The following ANK1 variants were observed in gnomAD, a reference collection of about 807,000 sequenced individuals.
ANK1 encodes the protein ankyrin-1.
A neutral mutation model predicts 210.4 loss-of-function variants in ANK1; 51 were observed. That is an observed-to-expected ratio of 0.24 (90% CI 0.19 to 0.31). The LOEUF (loss-of-function observed/expected upper bound fraction) is 0.31, where lower values mean the gene tolerates loss of function less well. Among genes scored for constraint, ANK1 ranks in the 10% least tolerant of loss-of-function variants. The pLI is 1.00. For missense variants in ANK1, 2,051 were observed against 2,504.4 expected (o/e 0.82, Z 3.86); for synonymous variants, 967 against 1,025.9 (o/e 0.94, Z 1.10).
chr8:41,736,465 A>C (rs940243042), intron 2 of ANK1, among the ~76,000 whole-genome samples: 2 of 152,244 alleles, frequency 1.3e-5, no homozygotes, highest in Non-Finnish European at 2.9e-5. Context: ...TAGTGCTGAC[A>C]GCGGATGCCC....
chr8:41,850,283 C>T (rs1414908409), intron 1 of ANK1, among the ~76,000 whole-genome samples: 1 of 151,948 alleles, frequency 6.6e-6, no homozygotes, highest in African/African-American at 2.4e-5. Flanking sequence ...CTAAATAATG[C>T]TTAAGTGGGG....
At chr8:41,789,438 T>C (rs1191841143) in intron 1 of ANK1, 1 of 152,254 alleles carries the variant, frequency 6.6e-6, no homozygotes, top group East Asian at 1.9e-4. Context: ...GGAGGGCACA[T>C]ATCTGATGGA....
At chr8:41,860,512 G>T (rs1334710453) in intron 1 of ANK1, among the ~76,000 whole-genome samples, 1 of 152,240 alleles carries the variant, frequency 6.6e-6, no homozygotes, top group East Asian at 1.9e-4. Context: ...AGACGCTGTA[G>T]GCTGTGGTGG....
intron 1 of ANK1, among the ~76,000 whole-genome samples, chr8:41,844,153 G>C (rs760897861): frequency 6.6e-6 from 1 of 152,184 alleles, no homozygotes; most frequent in Non-Finnish European, 1.5e-5. Flanking sequence ...GATTACAAGC[G>C]TGAGCCACTT....
intron 37 of ANK1, among the ~76,000 whole-genome samples, chr8:41,683,104 A>G (rs72638977): frequency 0.018 from 2,736 of 151,842 alleles, 43 homozygotes; most frequent in Non-Finnish European, 0.029. Flanking sequence ...GCACGCACAC[A>G]TGCACACACA....
At chr8:41,801,780 G>A (rs937522152), upstream of ANK1, among the ~76,000 whole-genome samples, 2 of 152,100 alleles carry the variant, frequency 1.3e-5, no homozygotes, top group African/African-American at 4.8e-5. Flanking sequence ...TCAGTTATGT[G>A]CATTGAAAAT....
chr8:41,692,276 C>T (rs1398001790), intron 31 of ANK1, among the ~76,000 whole-genome samples: 1 of 152,258 alleles, frequency 6.6e-6, no homozygotes, highest in African/African-American at 2.4e-5. Flanking sequence ...AGGCTGGTCT[C>T]GAACTCCTGA....
intron 1 of ANK1, among the ~76,000 whole-genome samples, chr8:41,857,105 C>T (rs1463983784): frequency 3.3e-5 from 5 of 151,716 alleles, no homozygotes; most frequent in Non-Finnish European, 7.4e-5. Flanking sequence ...TCTCAAACTC[C>T]TGACCTCAAA....
intron 1 of ANK1, among the ~76,000 whole-genome samples, chr8:41,827,898 GCA>G (rs1805751140): frequency 6.7e-6 from 1 of 149,862 alleles, no homozygotes; most frequent in East Asian, 2.0e-4. Flanking sequence ...GCCCACACAT[GCA>G]CACTCACGTG....
chr8:41,847,425 G>C (rs959497561), intron 1 of ANK1, among the ~76,000 whole-genome samples: 1 of 152,192 alleles, frequency 6.6e-6, no homozygotes, highest in East Asian at 1.9e-4. Flanking sequence ...AAAGGAGGCC[G>C]GGGAAAACGG....
chr8:41,849,820 T>A (rs574188425), intron 1 of ANK1, among the ~76,000 whole-genome samples: 1 of 152,120 alleles, frequency 6.6e-6, no homozygotes, highest in Non-Finnish European at 1.5e-5. Flanking sequence ...CTTAACTCTT[T>A]TTCACCAACC....
intron 1 of ANK1, among the ~76,000 whole-genome samples, chr8:41,822,392 C>T (rs1235997561): frequency 6.6e-6 from 1 of 152,136 alleles, no homozygotes; most frequent in Non-Finnish European, 1.5e-5. Context: ...GAGGTGGATC[C>T]GTTTGGCAGA....
At chr8:41,810,448 T>C (rs1236209637) in intron 1 of ANK1, among the ~76,000 whole-genome samples, 1 of 152,258 alleles carries the variant, frequency 6.6e-6, no homozygotes, top group Non-Finnish European at 1.5e-5. Context: ...GCCGTGGATC[T>C]GACCTCCACA....
chr8:41,758,520 T>C (rs779682752), intron 1 of ANK1, among the ~76,000 whole-genome samples: 1 of 152,058 alleles, frequency 6.6e-6, no homozygotes, highest in Non-Finnish European at 1.5e-5. Flanking sequence ...TTTTTTTTTT[T>C]TTATAGAGAC....
intron 42 of ANK1, among the ~76,000 whole-genome samples, chr8:41,656,124 C>T (rs536177301): frequency 4.1e-4 from 63 of 152,394 alleles, no homozygotes; most frequent in Non-Finnish European, 7.1e-4. Flanking sequence ...GAGACATCCC[C>T]CAGCAGATCC....
intron 2 of ANK1, among the ~76,000 whole-genome samples, chr8:41,750,287 T>C (rs954344093): frequency 1.3e-5 from 2 of 152,222 alleles, no homozygotes; most frequent in Non-Finnish European, 2.9e-5. Flanking sequence ...TGGTTTCACG[T>C]GCTTTCCTGG....
intron 1 of ANK1, among the ~76,000 whole-genome samples, chr8:41,778,455 G>T (rs1186323535): frequency 6.6e-6 from 1 of 152,244 alleles, no homozygotes; most frequent in African/African-American, 2.4e-5. Flanking sequence ...GTTTTAGGAA[G>T]TTGTGGGGAT....
upstream of ANK1, among the ~76,000 whole-genome samples, chr8:41,798,878 C>T (rs1022147044): frequency 6.6e-6 from 1 of 152,132 alleles, no homozygotes; most frequent in Non-Finnish European, 1.5e-5. Flanking sequence ...CTGACGAGGC[C>T]GCCATCTGGC....
chr8:41,755,620 C>T (rs558157716), intron 2 of ANK1, among the ~76,000 whole-genome samples: 2 of 152,274 alleles, frequency 1.3e-5, no homozygotes, highest in African/African-American at 4.8e-5. Context: ...GCTGGGGCAA[C>T]ACAGCTGCAG....
Sources: gnomAD v4.1 joint callset for allele counts (sites outside exome capture counted in the v4.1 genomes callset) on GRCh38, gnomAD v4.1.1 for gene constraint, MANE v1.5 for transcripts, NCBI Gene and HGNC (gene_info 2026-07-23, HGNC 2026-07-21) for gene names.